The following TAFA1 variants were observed in gnomAD, a reference collection of about 807,000 sequenced individuals.
TAFA1 encodes chemokine-like protein TAFA-1.
Under a neutral mutation model 18.5 loss-of-function variants are expected in TAFA1, and 4 were observed. The ratio of observed to expected loss-of-function variants is 0.22; its 90% confidence interval spans 0.11 to 0.49. TAFA1 has a LOEUF of 0.49. Ranked by LOEUF, TAFA1 falls within the 20% of genes least tolerant of loss-of-function variation. TAFA1 has a pLI of 0.98. For missense variants in TAFA1, 147 were observed against 169.0 expected, an observed-to-expected ratio of 0.87 and a Z score of 0.72; for synonymous variants, 56 against 55.2, an observed-to-expected ratio of 1.01 and a Z score of -0.06.
At chr3:68,191,753 A>G (rs1406242594) in intron 2 of TAFA1, among the ~76,000 whole-genome samples, 1 of 151,798 alleles carries the variant, frequency 6.6e-6, no homozygotes, top group Non-Finnish European at 1.5e-5. Context: ...TTGGTTTCAT[A>G]TAGATTTTGT....
chr3:68,399,032 T>C (rs1180661241), intron 2 of TAFA1, among the ~76,000 whole-genome samples: 1 of 152,190 alleles, frequency 6.6e-6, no homozygotes, highest in African/African-American at 2.4e-5. Flanking sequence ...TTAATCAATA[T>C]TTTTTGGCCA....
rs144608263 is a variant in TAFA1, at chr3:68,480,574, C to T, written c.260-58182C>T. ...CACTGAACTAAATGATCTGTAATAT[C>T]CCTTCTAGTATTTTATGAACCTGTC... On this transcript the variant is annotated intron_variant, in intron 3 of 4. Coordinates refer to ENST00000478136, the MANE Select transcript of TAFA1 (RefSeq NM_213609.4). Among the ~76,000 whole-genome samples, 406 of 152,224 alleles carry T rather than the reference C, an allele frequency of 2.7e-3. 2 individuals carry two copies. Among genetic ancestry groups the T allele is most frequent in the South Asian group, 7.5e-3 (36 of 4,818 alleles).
chr3:68,390,000 T>G (rs1368600406), intron 2 of TAFA1, among the ~76,000 whole-genome samples: 4 of 151,988 alleles, frequency 2.6e-5, no homozygotes, highest in Non-Finnish European at 5.9e-5. Context: ...GGAATGCCAG[T>G]GACAACCGTT....
At chr3:68,196,110 A>G (rs2107026071) in intron 2 of TAFA1, among the ~76,000 whole-genome samples, 1 of 151,918 alleles carries the variant, frequency 6.6e-6, no homozygotes, top group Non-Finnish European at 1.5e-5. Context: ...GTATATATTA[A>G]GTGGATACTG....
chr3:68,401,113 A>G lies in TAFA1; in HGVS notation c.119-16167A>G, dbSNP rs78569045. The stretch of plus-strand genomic sequence containing the variant: ...TTTTCACTTCTTGGTAGAGGCAGAC[A>G]ATGTATTTCACAAACACATATAAAA... On this transcript the variant is annotated intron_variant, in intron 2 of 4. Coordinates refer to ENST00000478136, the MANE Select transcript of TAFA1 (RefSeq NM_213609.4). 2.8e-3 allele frequency among the ~76,000 whole-genome samples: 420 copies of G among 152,282 alleles called. 3 individuals are homozygous for G. The highest frequency in any genetic ancestry group is 6.8e-3 in the Middle Eastern group (2 of 294).
At chr3:68,502,761 A>G (rs2106710628) in intron 3 of TAFA1, among the ~76,000 whole-genome samples, 1 of 152,252 alleles carries the variant, frequency 6.6e-6, no homozygotes, top group East Asian at 1.9e-4. Context: ...GAGCTATGGC[A>G]TCATCTATAA....
intron 2 of TAFA1, among the ~76,000 whole-genome samples, chr3:68,141,588 G>C (rs772244471): frequency 1.9e-4 from 29 of 152,138 alleles, no homozygotes; most frequent in African/African-American, 3.9e-4. Flanking sequence ...GATCAAATCA[G>C]ACTAAATCCT....
chr3:68,060,621 A>G (rs976866863), intron 2 of TAFA1, among the ~76,000 whole-genome samples: 23 of 152,156 alleles, frequency 1.5e-4, no homozygotes, highest in African/African-American at 5.1e-4. Flanking sequence ...TTGTTTGCTT[A>G]TGCATAACAT....
At chr3:68,300,160 C>T (rs1157620103) in intron 2 of TAFA1, among the ~76,000 whole-genome samples, 1 of 152,200 alleles carries the variant, frequency 6.6e-6, no homozygotes. Context: ...TACTCAATGC[C>T]AGTCCATGAA....
intron 2 of TAFA1, among the ~76,000 whole-genome samples, chr3:68,296,196 C>A (rs1042292053): frequency 1.3e-5 from 2 of 152,172 alleles, no homozygotes; most frequent in African/African-American, 4.8e-5. Flanking sequence ...TCTGGACCGC[C>A]TACCCTCGTG....
At chr3:68,119,572 G>GT (rs199706499) in intron 2 of TAFA1, among the ~76,000 whole-genome samples, 3,465 of 126,748 alleles carry the variant, frequency 0.027, 121 homozygotes, top group African/African-American at 0.088. Flanking sequence ...GTCCAACTTC[G>GT]TTTTTTTTTT....
chr3:68,148,486 T>C (rs2065768879), intron 2 of TAFA1, among the ~76,000 whole-genome samples: 1 of 152,198 alleles, frequency 6.6e-6, no homozygotes, highest in Non-Finnish European at 1.5e-5. Context: ...CCAGTGATGG[T>C]AATTGTAACA....
chr3:68,543,683 A>G (rs560319205), intron 4 of TAFA1, among the ~76,000 whole-genome samples: 5 of 152,266 alleles, frequency 3.3e-5, no homozygotes, highest in South Asian at 4.1e-4. Context: ...GAAAAATGCC[A>G]TATTTCCTGG....
intron 3 of TAFA1, among the ~76,000 whole-genome samples, chr3:68,423,606 C>A (rs1298413564): frequency 6.6e-6 from 1 of 151,992 alleles, no homozygotes; most frequent in African/African-American, 2.4e-5. Flanking sequence ...AAGATGATTG[C>A]ACTTTCATTG....
chr3:68,326,479 T>C (rs1175471824), intron 2 of TAFA1, among the ~76,000 whole-genome samples: 3 of 152,226 alleles, frequency 2.0e-5, no homozygotes, highest in Non-Finnish European at 4.4e-5. Context: ...ATATCATATG[T>C]TCACATCAGT....
intron 3 of TAFA1, among the ~76,000 whole-genome samples, chr3:68,420,870 G>A (rs2070943672): frequency 6.6e-6 from 1 of 152,160 alleles, no homozygotes; most frequent in South Asian, 2.1e-4. Context: ...TGCAGGGAAG[G>A]CAGGCAGTTA....
chr3:68,079,322 C>T (rs1010097184), intron 2 of TAFA1, among the ~76,000 whole-genome samples: 3 of 152,106 alleles, frequency 2.0e-5, no homozygotes, highest in Non-Finnish European at 2.9e-5. Context: ...TTCAGTTCTG[C>T]TCTGATTTTA....
chr3:68,008,637 A>G (rs570730446), intron 2 of TAFA1, among the ~76,000 whole-genome samples: 1 of 152,310 alleles, frequency 6.6e-6, no homozygotes, highest in East Asian at 1.9e-4. Context: ...GGAGGCGAAA[A>G]TGCCTCTCGG....
intron 3 of TAFA1, among the ~76,000 whole-genome samples, chr3:68,490,645 A>C (rs1187698939): frequency 6.6e-6 from 1 of 152,090 alleles, no homozygotes; most frequent in Non-Finnish European, 1.5e-5. Context: ...TCTTCTTGCT[A>C]ATTTTTTTTG....
Sources: gnomAD v4.1 joint callset for allele counts (sites outside exome capture counted in the v4.1 genomes callset) on GRCh38, gnomAD v4.1.1 for gene constraint, MANE v1.5 for transcripts, NCBI Gene and HGNC (gene_info 2026-07-23, HGNC 2026-07-21) for gene names.